Variants in CSTPP1 observed in about 807,000 individuals in gnomAD.
CSTPP1 encodes the protein centriolar satellite-associated tubulin polyglutamylase complex regulator 1, also known as UPF0705 protein C11orf49.
At chr11:47,088,184 C>T in the CSTPP1 span, among the ~76,000 whole-genome samples, 134 of 152,314 alleles carry the variant, frequency 8.8e-4, no homozygotes, top group Admixed American at 1.8e-3. Flanking sequence ...TTAGGATCCA[C>T]CTCTTGAAGT....
At chr11:47,159,553 A>G in the CSTPP1 span, 1 of 442,624 alleles carries the variant, frequency 2.3e-6, no homozygotes, top group Admixed American at 2.5e-5. Context: ...AGGAATCAAG[A>G]GTAAGGGGGA....
chr11:47,041,594 C>T, the CSTPP1 span: 5 of 405,236 alleles, frequency 1.2e-5, 1 homozygote, highest in Middle Eastern at 4.5e-4. Context: ...CCGGGAAAGG[C>T]GCTCATGGCT....
chr11:46,997,948 G>A, the CSTPP1 span, among the ~76,000 whole-genome samples: 2 of 152,196 alleles, frequency 1.3e-5, no homozygotes, highest in East Asian at 1.9e-4. Context: ...GCACCCAGCC[G>A]TATGAAGTGT....
the CSTPP1 span, among the ~76,000 whole-genome samples, chr11:47,014,394 A>G: frequency 4.0e-5 from 6 of 151,792 alleles, no homozygotes; most frequent in East Asian, 1.9e-4. Flanking sequence ...AGAAAAAAAA[A>G]AGAGAGAAAG....
chr11:46,971,780 G>C, the CSTPP1 span, among the ~76,000 whole-genome samples: 1 of 152,024 alleles, frequency 6.6e-6, no homozygotes, highest in Admixed American at 6.6e-5. Flanking sequence ...CCCTGTCTCT[G>C]CAAAAACTTT....
chr11:46,962,862 G>A, the CSTPP1 span, among the ~76,000 whole-genome samples: 2 of 152,026 alleles, frequency 1.3e-5, no homozygotes, highest in South Asian at 2.1e-4. Flanking sequence ...GCTAAGGTGG[G>A]AGAATCACCT....
At chr11:46,979,362 A>AT in the CSTPP1 span, among the ~76,000 whole-genome samples, 58 of 150,784 alleles carry the variant, frequency 3.8e-4, 1 homozygote, top group Middle Eastern at 3.4e-3. Flanking sequence ...AATTTACAGG[A>AT]TTTTTTTTTT....
At chr11:46,984,797 G>C in the CSTPP1 span, among the ~76,000 whole-genome samples, 1 of 151,498 alleles carries the variant, frequency 6.6e-6, no homozygotes, top group East Asian at 1.9e-4. Flanking sequence ...AGTCATAAAA[G>C]GCCATATAGC....
the CSTPP1 span, among the ~76,000 whole-genome samples, chr11:47,016,416 A>C: frequency 6.6e-6 from 1 of 151,794 alleles, no homozygotes; most frequent in African/African-American, 2.4e-5. Flanking sequence ...AAAAACAAAA[A>C]AAAAACGCTA....
the CSTPP1 span, among the ~76,000 whole-genome samples, chr11:47,081,964 G>A: frequency 5.2e-4 from 77 of 147,496 alleles, no homozygotes; most frequent in Non-Finnish European, 1.0e-3. Context: ...ACAGCAGGGT[G>A]TGGTGGCGCA....
the CSTPP1 span, among the ~76,000 whole-genome samples, chr11:47,162,600 A>AAGAC: frequency 6.7e-4 from 102 of 152,252 alleles, no homozygotes; most frequent in African/African-American, 2.3e-3. Flanking sequence ...GCAGCTGTGA[A>AAGAC]AGACAGACAG....
the CSTPP1 span, among the ~76,000 whole-genome samples, chr11:47,060,493 C>T: frequency 6.6e-6 from 1 of 152,046 alleles, no homozygotes; most frequent in Non-Finnish European, 1.5e-5. Context: ...CCGCCTCAGC[C>T]TCCCAAAGTG....
chr11:47,036,034 GATATATAT>G, the CSTPP1 span, among the ~76,000 whole-genome samples: 97 of 25,376 alleles, frequency 3.8e-3, 32 homozygotes, highest in Non-Finnish European at 5.4e-3. Context: ...GGAGTGAAAA[GATATATAT>G]ATATATATAT....
the CSTPP1 span, among the ~76,000 whole-genome samples, chr11:47,111,124 C>A: frequency 6.6e-6 from 1 of 152,034 alleles, no homozygotes; most frequent in African/African-American, 2.4e-5. Flanking sequence ...GATCTCCTGA[C>A]CTCGTGATCT....
At chr11:47,157,404 C>T in the CSTPP1 span, among the ~76,000 whole-genome samples, 7 of 152,204 alleles carry the variant, frequency 4.6e-5, no homozygotes, top group South Asian at 1.4e-3. Flanking sequence ...TAGCTCACTT[C>T]AAAAGGACTG....
the CSTPP1 span, chr11:47,163,992 A>G: frequency 7.4e-7 from 1 of 1,348,976 alleles, no homozygotes. Context: ...AGTCAAGCCT[A>G]CTGCCGTGAC....
the CSTPP1 span, among the ~76,000 whole-genome samples, chr11:47,080,640 A>G: frequency 6.6e-6 from 1 of 152,210 alleles, no homozygotes; most frequent in Non-Finnish European, 1.5e-5. Flanking sequence ...AGGTAATCAA[A>G]TTGAAATCTA....
At chr11:46,991,928 ACGGGGTTTCACCG>A in the CSTPP1 span, among the ~76,000 whole-genome samples, 13 of 152,088 alleles carry the variant, frequency 8.5e-5, no homozygotes, top group East Asian at 2.5e-3. Flanking sequence ...TTTACTAGAG[ACGGGGTTTCACCG>A]TGTTAGCCAG....
the CSTPP1 span, among the ~76,000 whole-genome samples, chr11:46,986,655 G>C: frequency 6.6e-6 from 1 of 152,022 alleles, no homozygotes; most frequent in Non-Finnish European, 1.5e-5. Flanking sequence ...TATTGGTAGA[G>C]ACAGGTTTTC....
Sources: gnomAD v4.1 joint callset for allele counts (sites outside exome capture counted in the v4.1 genomes callset) on GRCh38, gnomAD v4.1.1 for gene constraint, MANE v1.5 for transcripts, NCBI Gene and HGNC (gene_info 2026-07-23, HGNC 2026-07-21) for gene names.